Variants in NAALADL2 observed in about 807,000 individuals in gnomAD.
NAALADL2 encodes N-acetylated alpha-linked acidic dipeptidase like 2.
In NAALADL2, 76 loss-of-function variants were observed where a neutral mutation model predicts 87.2. That is an observed-to-expected ratio of 0.87 (90% CI 0.72 to 1.05). The LOEUF (loss-of-function observed/expected upper bound fraction) is 1.05. Among genes scored for constraint, NAALADL2 ranks in the 50% least tolerant of loss-of-function variants. The probability of loss-of-function intolerance (pLI) is 0.00; values close to 1 mark genes in which losing one functional copy is unlikely to be tolerated. For synonymous variants in NAALADL2, 354 were observed against 331.0 expected, an observed-to-expected ratio of 1.07 and a Z score of -0.75; for missense variants, 1,089 against 945.8, an observed-to-expected ratio of 1.15 and a Z score of -1.99.
Position 175,188,474 on chromosome 3 carries a change from G to T in NAALADL2, c.546-45457G>T, listed in dbSNP as rs141919914. ...TGATGCACTTTCCCTTGAGGAACTGGAATCTTGGGCAGCTCATGTAGCTGC... is the reference window on the plus strand; with the variant it reads ...TGATGCACTTTCCCTTGAGGAACTGTAATCTTGGGCAGCTCATGTAGCTGC... On this transcript the variant is annotated intron_variant, in intron 2 of 13. Transcript: ENST00000454872. 1.3e-4 allele frequency among the ~76,000 whole-genome samples: 20 copies of T among 152,242 alleles called. No homozygotes were observed. The South Asian group carries it at 4.1e-3, about 32-fold the overall frequency.
intron 2 of NAALADL2, among the ~76,000 whole-genome samples, chr3:174,701,679 T>C (rs1729566725): frequency 6.6e-6 from 1 of 151,964 alleles, no homozygotes; most frequent in Non-Finnish European, 1.5e-5. Context: ...TCACTATAGA[T>C]AAGAATTTTA....
chr3:174,589,550 A>C (rs1717130501), intron 2 of NAALADL2, among the ~76,000 whole-genome samples: 1 of 152,200 alleles, frequency 6.6e-6, no homozygotes, highest in Admixed American at 6.5e-5. Flanking sequence ...CCATTCATTG[A>C]GACTGTGCCA....
At chr3:175,338,770 G>A (rs1339337834) in intron 5 of NAALADL2, among the ~76,000 whole-genome samples, 1 of 152,016 alleles carries the variant, frequency 6.6e-6, no homozygotes, top group African/African-American at 2.4e-5. Context: ...AGTTCCTTGA[G>A]TTTCCCTGAA....
At chr3:175,764,258 G>A (rs1398877780) in intron 13 of NAALADL2, among the ~76,000 whole-genome samples, 1 of 151,836 alleles carries the variant, frequency 6.6e-6, no homozygotes, top group Non-Finnish European at 1.5e-5. Context: ...GCAGACTATA[G>A]GGACTATCTC....
At chr3:175,708,905 A>T (rs146985917) in intron 11 of NAALADL2, among the ~76,000 whole-genome samples, 1 of 152,068 alleles carries the variant, frequency 6.6e-6, no homozygotes, top group African/African-American at 2.4e-5. Context: ...ATGAACAGAT[A>T]TCAATGGAAA....
chr3:174,926,501 G>GA (rs1387486334), intron 1 of NAALADL2, among the ~76,000 whole-genome samples: 1 of 152,166 alleles, frequency 6.6e-6, no homozygotes, highest in African/African-American at 2.4e-5. Flanking sequence ...ACTAACAGTA[G>GA]ATCTCTCGGT....
At chr3:174,888,218 G>A (rs1389805106) in intron 1 of NAALADL2, among the ~76,000 whole-genome samples, 4 of 152,180 alleles carry the variant, frequency 2.6e-5, no homozygotes, top group Admixed American at 2.6e-4. Flanking sequence ...AAAAACGAGA[G>A]CTGTGCAATG....
chr3:175,367,503 C>A (rs1765792446), intron 5 of NAALADL2, among the ~76,000 whole-genome samples: 1 of 152,042 alleles, frequency 6.6e-6, no homozygotes, highest in Non-Finnish European at 1.5e-5. Context: ...ATGGAATGTT[C>A]TTCCATTTGT....
At chr3:175,355,018 A>ATGTGTGTG (rs1175936984) in intron 5 of NAALADL2, among the ~76,000 whole-genome samples, 5 of 103,890 alleles carry the variant, frequency 4.8e-5, no homozygotes, top group African/African-American at 2.0e-4. Flanking sequence ...ATTGCTATAT[A>ATGTGTGTG]TATATGTGTG....
intron 1 of NAALADL2, among the ~76,000 whole-genome samples, chr3:175,048,836 G>C (rs1202458814): frequency 6.6e-6 from 1 of 152,020 alleles, no homozygotes; most frequent in Non-Finnish European, 1.5e-5. Context: ...TACACCCTGG[G>C]AGTGGCTGCA....
chr3:174,753,731 C>T (rs544118856), intron 3 of NAALADL2, among the ~76,000 whole-genome samples: 3 of 152,256 alleles, frequency 2.0e-5, no homozygotes, highest in African/African-American at 7.2e-5. Context: ...TTGTTTGTTC[C>T]AGCAAAGTCC....
At chr3:174,867,587 C>T (rs1459163807) in intron 1 of NAALADL2, among the ~76,000 whole-genome samples, 1 of 151,926 alleles carries the variant, frequency 6.6e-6, no homozygotes, top group Non-Finnish European at 1.5e-5. Context: ...TATGTTTTCT[C>T]AAGTTTAATA....
At chr3:174,556,423 T>C (rs566904242) in intron 2 of NAALADL2, among the ~76,000 whole-genome samples, 1 of 152,212 alleles carries the variant, frequency 6.6e-6, no homozygotes, top group East Asian at 1.9e-4. Context: ...GAATATTTAA[T>C]ATCATCAGAA....
intron 2 of NAALADL2, among the ~76,000 whole-genome samples, chr3:174,676,884 T>C (rs1727088172): frequency 6.6e-6 from 1 of 152,006 alleles, no homozygotes; most frequent in Non-Finnish European, 1.5e-5. Context: ...TAGAAATGAA[T>C]AATGAACTGA....
intron 11 of NAALADL2, among the ~76,000 whole-genome samples, chr3:175,696,690 G>A (rs1013348369): frequency 5.9e-5 from 9 of 152,090 alleles, no homozygotes; most frequent in African/African-American, 1.4e-4. Flanking sequence ...TTAAGATGAC[G>A]ACTTACTGTC....
chr3:175,243,781 T>G (rs1241303008), intron 3 of NAALADL2, among the ~76,000 whole-genome samples: 2 of 152,016 alleles, frequency 1.3e-5, no homozygotes, highest in Admixed American at 1.3e-4. Context: ...AATCATAATA[T>G]TGAAAGGGGC....
intron 10 of NAALADL2, among the ~76,000 whole-genome samples, chr3:175,612,569 T>C (rs979664631): frequency 2.6e-5 from 4 of 152,192 alleles, no homozygotes; most frequent in Non-Finnish European, 5.9e-5. Flanking sequence ...CCCTTAACTT[T>C]AAGACCTTTA....
At chr3:175,674,458 GT>G (rs1323648722) in intron 11 of NAALADL2, among the ~76,000 whole-genome samples, 1 of 151,928 alleles carries the variant, frequency 6.6e-6, no homozygotes, top group Non-Finnish European at 1.5e-5. Context: ...TAGAGAAGGG[GT>G]TTCACCATGT....
At chr3:175,763,081 C>T (rs1748248009) in intron 13 of NAALADL2, among the ~76,000 whole-genome samples, 1 of 116,424 alleles carries the variant, frequency 8.6e-6, no homozygotes, top group Non-Finnish European at 1.8e-5. Flanking sequence ...AAGACTCTGA[C>T]TCAAATAAAT....
Sources: allele counts gnomAD v4.1 joint callset (sites outside exome capture counted in the v4.1 genomes callset), GRCh38; gene constraint gnomAD v4.1.1; transcripts MANE v1.5; gene names NCBI Gene and HGNC (gene_info 2026-07-23, HGNC 2026-07-21).